IL1RAP: variants seen among roughly 807,000 people sequenced by gnomAD.
IL1RAP encodes the protein interleukin 1 receptor accessory protein.
In IL1RAP, 35 loss-of-function variants were observed where a neutral mutation model predicts 60.7. That is an observed-to-expected ratio of 0.58 (90% CI 0.44 to 0.76). The LOEUF (loss-of-function observed/expected upper bound fraction) is 0.76. Ranked by LOEUF, IL1RAP falls within the 30% of genes least tolerant of loss-of-function variation. The pLI, the probability that IL1RAP is intolerant of heterozygous loss-of-function variation, is 0.00. For synonymous variants in IL1RAP, 268 were observed against 250.9 expected (o/e 1.07, Z -0.64); for missense variants, 572 against 693.9 (o/e 0.82, Z 1.97).
rs369979507 is a variant in IL1RAP at position 190,618,090 on chromosome 3, G to A, written c.538-2185G>A. ...GTTTTAAGTGATAGAGCCACATCAC[G>A]CTTTTCACTCAGGCTGGCTCCAGGG... On this transcript the variant is annotated intron_variant, in intron 5 of 11. Transcript: ENST00000447382. Among the ~76,000 whole-genome samples, 18 of 152,272 alleles carry A rather than the reference G, an allele frequency of 1.2e-4. No individual in the cohort carries two copies. The East Asian group carries it at 2.1e-3, about 18-fold the overall frequency.
At chr3:190,543,954 T>G (rs773698855) in intron 1 of IL1RAP, among the ~76,000 whole-genome samples, 3 of 152,168 alleles carry the variant, frequency 2.0e-5, no homozygotes, top group Non-Finnish European at 4.4e-5. Context: ...CCTTCTTGTT[T>G]GCAGTGTGGT....
chr3:190,534,768 T>C (rs1447697217), intron 1 of IL1RAP, among the ~76,000 whole-genome samples: 1 of 152,028 alleles, frequency 6.6e-6, no homozygotes, highest in African/African-American at 2.4e-5. Flanking sequence ...ACATTTCCAC[T>C]AGTGAGTTAT....
intron 2 of IL1RAP, among the ~76,000 whole-genome samples, chr3:190,560,412 G>C (rs766702176): frequency 2.0e-5 from 3 of 152,212 alleles, no homozygotes; most frequent in Non-Finnish European, 4.4e-5. Flanking sequence ...GCAGAATGAA[G>C]CAGGTTTAGC....
intron 9 of IL1RAP, 30 bp from the exon 10 acceptor site, chr3:190,644,218 T>C (rs1322959335): frequency 6.2e-7 from 1 of 1,601,238 alleles, no homozygotes; most frequent in Non-Finnish European, 8.5e-7. Flanking sequence ...CACACAGAAA[T>C]CAATTCTGTT....
intron 1 of IL1RAP, among the ~76,000 whole-genome samples, chr3:190,554,016 C>G (rs375153298): frequency 1.4e-4 from 19 of 140,026 alleles, no homozygotes; most frequent in African/African-American, 3.3e-4. Context: ...AGCCGAGATC[C>G]CGCCACTGCA....
chr3:190,603,808 C>A (rs747498757), intron 3 of IL1RAP, among the ~76,000 whole-genome samples: 1 of 152,148 alleles, frequency 6.6e-6, no homozygotes, highest in African/African-American at 2.4e-5. Flanking sequence ...TTAAACCATT[C>A]TCTGTTCCAC....
At chr3:190,549,709 G>A (rs931399229) in intron 1 of IL1RAP, among the ~76,000 whole-genome samples, 5 of 149,074 alleles carry the variant, frequency 3.4e-5, no homozygotes, top group African/African-American at 4.8e-5. Context: ...GCCTTCTCCC[G>A]AGCCCAATAC....
rs547409553 is a variant in IL1RAP at position 190,585,577 on chromosome 3, C to T, written c.65-18551C>T. On this transcript the variant is annotated intron_variant, in intron 3 of 11. Transcript: ENST00000447382. ...CTGCAATCCTAACACTTTGGGAGGC[C>T]GAGGCGGGTGGATTGCCTGACCTCA... Among the ~76,000 whole-genome samples the T allele has an allele frequency of 3.5e-4, 54 of 152,148 alleles. No homozygotes were observed. The South Asian group carries it at 8.1e-3, about 23-fold the overall frequency.
At chr3:190,623,671 A>G (rs936572315) in intron 7 of IL1RAP, among the ~76,000 whole-genome samples, 2 of 152,112 alleles carry the variant, frequency 1.3e-5, no homozygotes, top group Admixed American at 1.3e-4. Flanking sequence ...CTGATGAGTG[A>G]TTTCTGTTTG....
At chr3:190,531,723 G>T (rs186457731) in intron 1 of IL1RAP, among the ~76,000 whole-genome samples, 1 of 152,130 alleles carries the variant, frequency 6.6e-6, no homozygotes, top group African/African-American at 2.4e-5. Flanking sequence ...TTAAGAAACC[G>T]TAATATATCC....
chr3:190,643,590 C>T (rs1733810693), intron 9 of IL1RAP, among the ~76,000 whole-genome samples: 1 of 152,164 alleles, frequency 6.6e-6, no homozygotes, highest in South Asian at 2.1e-4. Flanking sequence ...TGCAAGTTCA[C>T]CTCTAGAATA....
intron 1 of IL1RAP, among the ~76,000 whole-genome samples, chr3:190,545,443 A>G (rs1402908471): frequency 2.0e-5 from 3 of 152,216 alleles, no homozygotes; most frequent in African/African-American, 7.2e-5. Context: ...TAAAATTCCC[A>G]GGGCCACAGC....
At chr3:190,622,511 C>G (rs951445025) in intron 6 of IL1RAP, among the ~76,000 whole-genome samples, 1 of 152,166 alleles carries the variant, frequency 6.6e-6, no homozygotes, top group Non-Finnish European at 1.5e-5. Flanking sequence ...TAGGTTCCCG[C>G]GTTACCCACA....
chr3:190,615,194 T>C, intron 5 of IL1RAP: 1 of 440,062 alleles, frequency 2.3e-6, no homozygotes, highest in Non-Finnish European at 4.0e-6. Context: ...AAGCCAGGTT[T>C]TGTAACTAGT....
chr3:190,520,536 T>C (rs1721927402), intron 1 of IL1RAP: 1 of 152,166 alleles, frequency 6.6e-6, no homozygotes, highest in African/African-American at 2.4e-5. Flanking sequence ...AAGTGCCCGT[T>C]TGCATATATT....
At chr3:190,570,085 A>G (rs1726781644) in intron 3 of IL1RAP, among the ~76,000 whole-genome samples, 1 of 152,192 alleles carries the variant, frequency 6.6e-6, no homozygotes, top group Non-Finnish European at 1.5e-5. Flanking sequence ...TAAAATATAT[A>G]CCCACCCAGG....
chr3:190,533,631 C>T (rs1413771952), intron 1 of IL1RAP, among the ~76,000 whole-genome samples: 3 of 152,162 alleles, frequency 2.0e-5, no homozygotes, highest in Non-Finnish European at 2.9e-5. Context: ...GGCACGGTTC[C>T]GTCAGGCCCT....
At chr3:190,610,887 G>A (rs530741962) in intron 5 of IL1RAP, among the ~76,000 whole-genome samples, 1 of 152,242 alleles carries the variant, frequency 6.6e-6, no homozygotes, top group African/African-American at 2.4e-5. Flanking sequence ...GAACCTAATT[G>A]CAATGGTTTA....
chr3:190,638,273 G>A (rs1287800622), intron 9 of IL1RAP, among the ~76,000 whole-genome samples: 1 of 151,914 alleles, frequency 6.6e-6, no homozygotes, highest in Admixed American at 6.6e-5. Context: ...TTAAGGATTT[G>A]GTGTTGTCAG....
Sources: gnomAD v4.1 joint callset for allele counts (sites outside exome capture counted in the v4.1 genomes callset) on GRCh38, gnomAD v4.1.1 for gene constraint, MANE v1.5 for transcripts, NCBI Gene and HGNC (gene_info 2026-07-23, HGNC 2026-07-21) for gene names.